The following MAF variants were observed in gnomAD, a reference collection of about 807,000 sequenced individuals.
MAF encodes the protein MAF bZIP transcription factor.
Under a neutral mutation model 22.0 loss-of-function variants are expected in MAF, and 10 were observed. The ratio of observed to expected loss-of-function variants is 0.45; its 90% CI spans 0.28 to 0.77. MAF has a LOEUF of 0.77. Ranked by LOEUF, MAF falls within the 30% of genes least tolerant of loss-of-function variation. The probability of loss-of-function intolerance (pLI) is 0.12; values close to 1 mark genes in which losing one functional copy is unlikely to be tolerated. For synonymous variants in MAF, 337 were observed against 255.8 expected (o/e 1.32, Z -3.03); for missense variants, 544 against 548.4 (o/e 0.99, Z 0.08).
At chr16:79,422,231 AC>A in the MAF span, among the ~76,000 whole-genome samples, 1 of 152,152 alleles carries the variant, frequency 6.6e-6, no homozygotes, top group South Asian at 2.1e-4. Flanking sequence ...CGTTCTAAGA[AC>A]CTTATTCAGC....
the MAF span, among the ~76,000 whole-genome samples, chr16:79,342,970 G>A: frequency 1.3e-5 from 2 of 152,094 alleles, no homozygotes; most frequent in East Asian, 3.9e-4. Context: ...AATCTTCTCT[G>A]GTAGTTTTTT....
the MAF span, among the ~76,000 whole-genome samples, chr16:79,238,309 C>T: frequency 6.6e-6 from 1 of 152,116 alleles, no homozygotes; most frequent in African/African-American, 2.4e-5. Flanking sequence ...AAGCTTTCTG[C>T]TTCTTTCCTG....
At chr16:79,336,656 T>C in the MAF span, among the ~76,000 whole-genome samples, 1 of 152,178 alleles carries the variant, frequency 6.6e-6, no homozygotes, top group East Asian at 1.9e-4. Context: ...GGTTAAATAA[T>C]TGGCCCAAGG....
the MAF span, among the ~76,000 whole-genome samples, chr16:79,485,477 G>C: frequency 1.2e-4 from 18 of 152,244 alleles, no homozygotes; most frequent in African/African-American, 3.4e-4. Context: ...TTGAGGACCA[G>C]AGCTGAGTTT....
the MAF span, among the ~76,000 whole-genome samples, chr16:79,550,783 C>T: frequency 1.4e-5 from 2 of 147,236 alleles, no homozygotes; most frequent in Non-Finnish European, 3.0e-5. Context: ...TTCAGGCACA[C>T]ATAAAAGATT....
chr16:79,405,181 AC>A, the MAF span, among the ~76,000 whole-genome samples: 1 of 152,054 alleles, frequency 6.6e-6, no homozygotes, highest in South Asian at 2.1e-4. Flanking sequence ...TTATCCTAGG[AC>A]CCCAGGGGAG....
the MAF span, among the ~76,000 whole-genome samples, chr16:79,448,527 G>T: frequency 6.6e-6 from 1 of 152,026 alleles, no homozygotes; most frequent in African/African-American, 2.4e-5. Context: ...CCAGGTCCAG[G>T]CAATTATCCT....
chr16:79,484,318 G>C, the MAF span, among the ~76,000 whole-genome samples: 2 of 152,148 alleles, frequency 1.3e-5, no homozygotes, highest in Non-Finnish European at 2.9e-5. Flanking sequence ...CTCCCAACTT[G>C]GATTTCGTTG....
At chr16:79,416,627 G>A in the MAF span, among the ~76,000 whole-genome samples, 4 of 152,106 alleles carry the variant, frequency 2.6e-5, no homozygotes, top group Non-Finnish European at 4.4e-5. Context: ...TGAAGAAATA[G>A]AAAGGAAAGA....
chr16:79,522,942 A>G, the MAF span, among the ~76,000 whole-genome samples: 1 of 152,238 alleles, frequency 6.6e-6, no homozygotes, highest in Non-Finnish European at 1.5e-5. Flanking sequence ...TCCAGAGAAG[A>G]GACATGATGT....
chr16:79,559,852 C>G, the MAF span, among the ~76,000 whole-genome samples: 1 of 152,154 alleles, frequency 6.6e-6, no homozygotes, highest in Non-Finnish European at 1.5e-5. Context: ...GTTCTCCTAC[C>G]ATAACACTGC....
At chr16:79,396,395 T>A in the MAF span, among the ~76,000 whole-genome samples, 1 of 152,218 alleles carries the variant, frequency 6.6e-6, no homozygotes, top group African/African-American at 2.4e-5. Context: ...TTTGCTCTCA[T>A]GGTTGTTCAA....
chr16:79,460,922 TTTTC>T, the MAF span, among the ~76,000 whole-genome samples: 4 of 152,192 alleles, frequency 2.6e-5, no homozygotes, highest in Admixed American at 1.3e-4. Flanking sequence ...ATTTTATTCT[TTTTC>T]TTTCTTTCTT....
chr16:79,483,824 C>A, the MAF span, among the ~76,000 whole-genome samples: 1 of 152,126 alleles, frequency 6.6e-6, no homozygotes, highest in African/African-American at 2.4e-5. Context: ...ATCCTGTGAG[C>A]AAATAAGCAA....
the MAF span, among the ~76,000 whole-genome samples, chr16:79,571,530 A>AAT: frequency 9.6e-6 from 1 of 103,884 alleles, no homozygotes; most frequent in African/African-American, 3.7e-5. Flanking sequence ...TCTCAGCGGA[A>AAT]TTTTTTTTTT....
chr16:79,475,207 G>A, the MAF span, among the ~76,000 whole-genome samples: 4 of 152,050 alleles, frequency 2.6e-5, no homozygotes, highest in African/African-American at 4.8e-5. Flanking sequence ...ACAATTATCC[G>A]TTGCTAACAC....
the MAF span, among the ~76,000 whole-genome samples, chr16:79,554,424 C>G: frequency 1.3e-5 from 2 of 152,128 alleles, no homozygotes; most frequent in African/African-American, 4.8e-5. Context: ...GATGCTGAGA[C>G]AGAGGAAAAG....
the MAF span, among the ~76,000 whole-genome samples, chr16:79,373,783 G>C: frequency 2.6e-5 from 4 of 152,146 alleles, no homozygotes; most frequent in African/African-American, 7.2e-5. Context: ...CCAGCAGCAA[G>C]AAGGCCCTCA....
chr16:79,369,165 G>T, the MAF span, among the ~76,000 whole-genome samples: 1 of 152,212 alleles, frequency 6.6e-6, no homozygotes, highest in Non-Finnish European at 1.5e-5. Context: ...GCAACTAGAA[G>T]TTAGAGAAGT....
Sources: gnomAD v4.1 joint callset for allele counts (sites outside exome capture counted in the v4.1 genomes callset) on GRCh38, gnomAD v4.1.1 for gene constraint, MANE v1.5 for transcripts, NCBI Gene and HGNC (gene_info 2026-07-23, HGNC 2026-07-21) for gene names.